OXTR: variants seen among roughly 807,000 people sequenced by gnomAD.
The protein encoded by OXTR is oxytocin receptor.
In OXTR, 19 loss-of-function variants were observed where a neutral mutation model predicts 23.9. The observed-to-expected ratio is 0.80, with a 90% CI of 0.56 to 1.17. OXTR has a LOEUF of 1.17. OXTR is among the 50% of genes most tolerant of loss of function. The probability of loss-of-function intolerance (pLI) is 0.00; values close to 1 mark genes in which losing one functional copy is unlikely to be tolerated. For missense variants in OXTR, 500 were observed against 550.7 expected, an observed-to-expected ratio of 0.91 and a Z score of 0.92; for synonymous variants, 278 against 250.5, an observed-to-expected ratio of 1.11 and a Z score of -1.04.
downstream of OXTR, among the ~76,000 whole-genome samples, chr3:8,747,281 C>T (rs1708189124): frequency 6.6e-6 from 1 of 152,130 alleles, no homozygotes; most frequent in Non-Finnish European, 1.5e-5. Context: ...AATTTTATCA[C>T]CCACAAATTG....
chr3:8,762,562 C>T (rs146084356), intron 3 of OXTR, among the ~76,000 whole-genome samples: 105 of 152,240 alleles, frequency 6.9e-4, no homozygotes, highest in African/African-American at 2.4e-3. Context: ...CTTCTCCTGC[C>T]GGCCCACCAT....
chr3:8,743,481 C>T, the OXTR span, among the ~76,000 whole-genome samples: 24 of 152,178 alleles, frequency 1.6e-4, no homozygotes, highest in Non-Finnish European at 3.1e-4. Context: ...TCCTCTCCTC[C>T]CATCCACAGG....
At chr3:8,766,648 G>C (rs764452995) in intron 3 of OXTR, among the ~76,000 whole-genome samples, 1 of 152,084 alleles carries the variant, frequency 6.6e-6, no homozygotes, top group Non-Finnish European at 1.5e-5. Flanking sequence ...ACCTCCACTC[G>C]ATGAGGAGTT....
At chr3:8,766,527 G>A (rs746716439) in intron 3 of OXTR, among the ~76,000 whole-genome samples, 13 of 151,060 alleles carry the variant, frequency 8.6e-5, no homozygotes, top group Non-Finnish European at 1.3e-4. Context: ...CCCCCTCAAG[G>A]CTTTCTTCTC....
At chr3:8,745,079 A>G in the OXTR span, 1 of 174,350 alleles carries the variant, frequency 5.7e-6, no homozygotes, top group Non-Finnish European at 1.2e-5. The surrounding 1 kb of genome is among the most constrained non-coding windows in gnomAD (Gnocchi z 4.8). Flanking sequence ...AGGTGATCGG[A>G]TCACAGAGGC....
In OXTR at chr3:8,753,031, G is replaced by A; in HGVS notation, c.1116C>T (p.Val372=). Residue 372 remains valine (V), a synonymous_variant, in exon 4 of 4, where the codon GTC becomes GTT. Transcript: ENST00000316793. ...ASKKSNSSSF[V]LSHRSSSQRS... The stretch of plus-strand genomic sequence containing the variant: ...TCTGGCTGGAGCTGCGATGGCTCAG[G>A]ACAAAGGAGGACGAGTTGCTCTTTT... 1 of 1,614,172 alleles carries A rather than the reference G, an allele frequency of 6.2e-7. No individual in the cohort carries two copies. Among genetic ancestry groups the A allele is most frequent in the Non-Finnish European group, 8.5e-7 (1 of 1,180,020 alleles).
chr3:8,759,352 T>C (rs1708440998), intron 3 of OXTR, among the ~76,000 whole-genome samples: 1 of 152,210 alleles, frequency 6.6e-6, no homozygotes, highest in Admixed American at 6.5e-5. Flanking sequence ...AATAGCTCTA[T>C]AACAGCATCA....
At chr3:8,746,208 C>T (rs949046640), downstream of OXTR, 7 of 230,052 alleles carry the variant, frequency 3.0e-5, no homozygotes, top group South Asian at 9.4e-5. Flanking sequence ...CCTCTCCACG[C>T]GCACTCAGGA....
At chr3:8,763,792 A>G (rs1708542654) in intron 3 of OXTR, among the ~76,000 whole-genome samples, 1 of 152,224 alleles carries the variant, frequency 6.6e-6, no homozygotes, top group Non-Finnish European at 1.5e-5. Context: ...TCATGGAAAT[A>G]TTTAAACTTA....
intron 3 of OXTR, among the ~76,000 whole-genome samples, chr3:8,764,299 C>T (rs937455854): frequency 1.3e-5 from 2 of 152,208 alleles, no homozygotes; most frequent in Non-Finnish European, 2.9e-5. Flanking sequence ...TCCTGCCTCC[C>T]TGTGAGCCTG....
At chr3:8,745,716 C>A, downstream of OXTR, 2 of 1,614,146 alleles carry the variant, frequency 1.2e-6, no homozygotes, top group Non-Finnish European at 1.7e-6. The surrounding 1 kb of genome is among the most constrained non-coding windows in gnomAD (Gnocchi z 4.8). Flanking sequence ...CACATCTGGG[C>A]GGTGGTGCCA....
At chr3:8,743,615 C>A in the OXTR span, among the ~76,000 whole-genome samples, 4 of 152,130 alleles carry the variant, frequency 2.6e-5, no homozygotes, top group Non-Finnish European at 5.9e-5. Context: ...AGAGTCTCAC[C>A]CTGTAAACTG....
In OXTR at chr3:8,767,999, C is replaced by A. The variant is rs536257537; in HGVS notation, c.189G>T (p.Ala63=). Residue 63 remains alanine (A), a synonymous_variant, in exon 3 of 4, where the codon GCG becomes GCT. Coordinates refer to ENST00000316793, the MANE Select transcript of OXTR (RefSeq NM_000916.4). ...ALSGNACVLL[A]LRTTRQKHSR... ...AGTGCTTCTGGCGTGTGGTGCGCAG[C>A]GCCAGCAGCACACACGCGTTCCCGC... 3.0e-5 allele frequency: 49 copies of A among 1,610,756 alleles called. No homozygotes were observed. The East Asian group carries it at 7.6e-4, about 25-fold the overall frequency.
the OXTR span, chr3:8,745,148 G>C: frequency 4.0e-6 from 1 of 247,828 alleles, no homozygotes; most frequent in East Asian, 9.4e-5. This position sits in a 1 kb window ranked among gnomAD's most constrained non-coding sequence, Gnocchi z 4.8. Flanking sequence ...ATAAGATCTG[G>C]TTGTTGTAAA....
At chr3:8,754,458 G>A (rs1409127907) in intron 3 of OXTR, among the ~76,000 whole-genome samples, 1 of 152,204 alleles carries the variant, frequency 6.6e-6, no homozygotes, top group African/African-American at 2.4e-5. Context: ...AGAAGGCTGG[G>A]AAAATCCACT....
chr3:8,763,360 C>A (rs1708531772), intron 3 of OXTR, among the ~76,000 whole-genome samples: 2 of 152,176 alleles, frequency 1.3e-5, no homozygotes, highest in African/African-American at 4.8e-5. Context: ...GCAGGTAAAG[C>A]AACTGGCTTA....
At chr3:8,741,637 G>A in the OXTR span, among the ~76,000 whole-genome samples, 3 of 152,088 alleles carry the variant, frequency 2.0e-5, no homozygotes, top group African/African-American at 4.8e-5. Flanking sequence ...TGGATACTGG[G>A]ACCATATACC....
chr3:8,765,696 C>T (rs941964714), intron 3 of OXTR, among the ~76,000 whole-genome samples: 1 of 152,210 alleles, frequency 6.6e-6, no homozygotes, highest in Non-Finnish European at 1.5e-5. Context: ...TTTTGCCCAA[C>T]CCCACTCCCT....
chr3:8,753,742 GGATTAAAGAGT>G, intron 3 of OXTR, among the ~76,000 whole-genome samples: 2 of 152,318 alleles, frequency 1.3e-5, no homozygotes, highest in East Asian at 3.9e-4. Flanking sequence ...ACTGCTGCAA[GGATTAAAGAGT>G]GCCTGGTACA....
Sources: allele counts gnomAD v4.1 joint callset (sites outside exome capture counted in the v4.1 genomes callset), GRCh38; gene constraint gnomAD v4.1.1; non-coding constraint Gnocchi (gnomAD v3.1); transcripts MANE v1.5; gene names NCBI Gene and HGNC (gene_info 2026-07-23, HGNC 2026-07-21).